Variants in UBR2 observed in about 807,000 individuals in gnomAD.
The protein encoded by UBR2 is ubiquitin protein ligase E3 component n-recognin 2, also known as E3 ubiquitin-protein ligase UBR2.
UBR2 carries 92 observed loss-of-function variants against 247.9 expected under a neutral mutation model. That is an observed-to-expected ratio of 0.37 (90% CI 0.31 to 0.44). The LOEUF (loss-of-function observed/expected upper bound fraction) is 0.44. UBR2 is among the 20% of genes least tolerant of loss of function. The probability of loss-of-function intolerance (pLI) is 1.00; values close to 1 mark genes in which losing one functional copy is unlikely to be tolerated. For synonymous variants in UBR2, 672 were observed against 693.5 expected (o/e 0.97, Z 0.49); for missense variants, 1,613 against 2,112.6 (o/e 0.76, Z 4.64).
rs201644942 is a variant in UBR2, at chr6:42,659,512, A to AATAT, written c.3243-138_3243-135dup. 8.3e-4 allele frequency: 434 copies of AATAT among 523,342 alleles called. 2 individuals carry two copies. The African/African-American group carries it at 0.013, about 16-fold the overall frequency. The allele number at this position is 523,342 out of a possible 1,614,324, so 32.4% of individuals were successfully genotyped here. A position where few individuals can be genotyped will look rare whatever the true frequency, so the allele number is the denominator to read the frequency against. ...AAGACTCTGTCTCAAAAAATAAATA[A>AATAT]ATATATATACACACACACACACACA... is the stretch of plus-strand genomic sequence containing the variant. On this transcript the variant is annotated intron_variant, in intron 29 of 46. Coordinates refer to ENST00000372901, the MANE Select transcript of UBR2 (RefSeq NM_001363705.2). This position sits in a 1 kb window ranked among gnomAD's most constrained non-coding sequence, Gnocchi z 4.3.
At chr6:42,609,765 C>T (rs1288800693) in intron 7 of UBR2, among the ~76,000 whole-genome samples, 3 of 151,314 alleles carry the variant, frequency 2.0e-5, no homozygotes, top group Non-Finnish European at 4.4e-5. Context: ...CGTGGTGGCA[C>T]ACACCTGCAG....
At chr6:42,578,912 G>A (rs769518936) in intron 2 of UBR2, among the ~76,000 whole-genome samples, 2 of 151,888 alleles carry the variant, frequency 1.3e-5, no homozygotes, top group South Asian at 2.1e-4. Context: ...GCGGTGAGCC[G>A]AGATCATGCC....
intron 4 of UBR2, among the ~76,000 whole-genome samples, chr6:42,601,746 A>G (rs1182903968): frequency 6.6e-6 from 1 of 151,566 alleles, no homozygotes; most frequent in Non-Finnish European, 1.5e-5. Context: ...GAGAAGAGTT[A>G]TAGGTAAAAG....
chr6:42,677,977 T>C (rs965363618), intron 40 of UBR2, among the ~76,000 whole-genome samples: 2 of 151,852 alleles, frequency 1.3e-5, no homozygotes, highest in Non-Finnish European at 2.9e-5. Flanking sequence ...GGAGGATTGC[T>C]GGAGCCCAGT....
chr6:42,684,445 A>G (rs866699709), intron 43 of UBR2, among the ~76,000 whole-genome samples: 1 of 151,790 alleles, frequency 6.6e-6, no homozygotes, highest in South Asian at 2.1e-4. Flanking sequence ...TTAGCTGGGC[A>G]TGGTGGCGGG....
Position 42,670,219 on chromosome 6 carries a change from G to A in UBR2, c.4009G>A (p.Ala1337Thr), listed in dbSNP as rs760789105. The A allele has an allele frequency of 2.5e-6, 4 of 1,614,048 alleles. No homozygotes were observed. Among genetic ancestry groups the A allele is most frequent in the Non-Finnish European group, 2.5e-6 (3 of 1,179,950 alleles). ...RVPIMCWGSC[A>T]YTIQSIERIL... is the part of the protein sequence containing the mutation. ...TCCCATAATGTGTTGGGGTAGCTGCGCGTACACCATCCAAAGCATAGGTAA... is the reference window on the plus strand; with the variant it reads ...TCCCATAATGTGTTGGGGTAGCTGCACGTACACCATCCAAAGCATAGGTAA... The change falls in exon 35 of 47, where the codon GCG (alanine) becomes ACG (threonine). Residue 1337 changes from alanine (A) to threonine (T), a missense_variant. Ala to Thr is a moderately conservative substitution (Grantham distance 58, BLOSUM62 0). This residue lies in a region of UBR2 where 1,524 missense variants were observed against 1,967.3 expected (regional missense o/e 0.77). Transcript: ENST00000372901.
chr6:42,642,354 G>A (rs1366456840), intron 17 of UBR2, 62 bp from the exon 18 acceptor site: 1 of 1,185,888 alleles, frequency 8.4e-7, no homozygotes, highest in Non-Finnish European at 1.2e-6. Context: ...TTTTGGGGAA[G>A]GATTAGAGAG....
chr6:42,572,047 GTTTTAT>G (rs112295174), intron 1 of UBR2, among the ~76,000 whole-genome samples: 9 of 151,998 alleles, frequency 5.9e-5, no homozygotes, highest in Non-Finnish European at 7.4e-5. Flanking sequence ...TGCTGCTGCT[GTTTTAT>G]TTTTATTTTT....
chr6:42,648,504 A>G (rs1180957534), intron 22 of UBR2, among the ~76,000 whole-genome samples: 2 of 152,180 alleles, frequency 1.3e-5, no homozygotes, highest in African/African-American at 2.4e-5. Flanking sequence ...TTCCATTTGA[A>G]TGTGCTGCCT....
intron 4 of UBR2, among the ~76,000 whole-genome samples, chr6:42,600,363 G>A (rs912334932): frequency 1.3e-5 from 2 of 151,982 alleles, no homozygotes; most frequent in Non-Finnish European, 2.9e-5. Flanking sequence ...AAAATTATTA[G>A]TAATAATAGA....
chr6:42,612,004 T>C (rs1794123281), intron 7 of UBR2, among the ~76,000 whole-genome samples, 167 bp from the exon 8 acceptor site: 1 of 152,070 alleles, frequency 6.6e-6, no homozygotes, highest in Non-Finnish European at 1.5e-5. Context: ...TCTAGAAAAT[T>C]AGGATCTGAA....
At position 42,628,096 on chromosome 6, in the gene UBR2, C is replaced by T. The variant is rs185203419; in HGVS notation, c.1282-4456C>T. ...AAAGCAGCTGCAGAATGCTGGCTCA[C>T]CTCCTTGTGCAGTTCCCTTTCTCCC... On this transcript the variant is annotated intron_variant, in intron 11 of 46. Coordinates refer to ENST00000372901, the MANE Select transcript of UBR2 (RefSeq NM_001363705.2). 1.6e-4 allele frequency among the ~76,000 whole-genome samples: 24 copies of T among 152,242 alleles called. No homozygotes were observed. The East Asian group carries it at 3.9e-3, about 24-fold the overall frequency.
intron 11 of UBR2, among the ~76,000 whole-genome samples, chr6:42,628,955 G>A (rs9471887): frequency 0.79 from 119,323 of 151,958 alleles, 46,896 homozygotes; most frequent in East Asian, 0.89. Flanking sequence ...GCCTTGCAAT[G>A]CAAAATTGAA....
intron 42 of UBR2, among the ~76,000 whole-genome samples, 164 bp downstream of exon 42, chr6:42,679,996 GTTTTGT>G (rs534673346): frequency 3.4e-4 from 52 of 151,896 alleles, no homozygotes; most frequent in Admixed American, 1.7e-3. Context: ...GTTTTGTTTT[GTTTTGT>G]TTTTGTTTTT....
intron 2 of UBR2, among the ~76,000 whole-genome samples, chr6:42,576,832 T>G (rs1054937446): frequency 6.6e-6 from 1 of 152,060 alleles, no homozygotes; most frequent in Non-Finnish European, 1.5e-5. Context: ...CCCTCCTGTT[T>G]TGTTAGGGCA....
chr6:42,621,354 C>A (rs1582562118), intron 11 of UBR2, among the ~76,000 whole-genome samples: 1 of 152,176 alleles, frequency 6.6e-6, no homozygotes, highest in East Asian at 1.9e-4. Context: ...TCTTGTCTAT[C>A]TTTGTGCCCC....
chr6:42,576,522 CTTTTTTT>C (rs58739895), intron 2 of UBR2, among the ~76,000 whole-genome samples: 2 of 86,140 alleles, frequency 2.3e-5, no homozygotes, highest in Admixed American at 1.4e-4. Context: ...GCCTTTCCCT[CTTTTTTT>C]TTTTTTTTTT....
Position 42,614,730 on chromosome 6 carries a change from G to A in UBR2, c.986-341G>A, listed in dbSNP as rs1156479103. Among the ~76,000 whole-genome samples the A allele has an allele frequency of 4.1e-4, 62 of 152,152 alleles. 1 individual carries two copies. The highest frequency in any genetic ancestry group is 1.9e-4 in the Non-Finnish European group (13 of 67,984). On this transcript the variant is annotated intron_variant, in intron 8 of 46. Coordinates refer to ENST00000372901, the MANE Select transcript of UBR2 (RefSeq NM_001363705.2). ...TTATGGAATGTATAACACTTTCACTGTAATCTGGTTTAATTAGCATAAGTG... is the reference window on the plus strand; with the variant it reads ...TTATGGAATGTATAACACTTTCACTATAATCTGGTTTAATTAGCATAAGTG...
At chr6:42,652,355 C>T (rs1292203586) in intron 24 of UBR2, 136 bp from the exon 25 acceptor site, 33 of 1,104,954 alleles carry the variant, frequency 3.0e-5, no homozygotes, top group Non-Finnish European at 3.8e-5. Flanking sequence ...TGCATTTGAC[C>T]TTGAGAATGT....
Sources: allele counts gnomAD v4.1 joint callset (sites outside exome capture counted in the v4.1 genomes callset), GRCh38; gene constraint gnomAD v4.1.1; regional missense constraint gnomAD v4.1.1; non-coding constraint Gnocchi (gnomAD v3.1); transcripts MANE v1.5; gene names NCBI Gene and HGNC (gene_info 2026-07-23, HGNC 2026-07-21).